Variants in OPCML observed in about 807,000 individuals in gnomAD.
The protein encoded by OPCML is opioid binding protein/cell adhesion molecule like, also known as opioid-binding protein/cell adhesion molecule.
Under a neutral mutation model 37.8 loss-of-function variants are expected in OPCML, and 13 were observed. That is an observed-to-expected ratio of 0.34 (90% confidence interval 0.22 to 0.55). The LOEUF (loss-of-function observed/expected upper bound fraction) is 0.55, where lower values mean the gene tolerates loss of function less well. Among genes scored for constraint, OPCML ranks in the 20% least tolerant of loss-of-function variants. The pLI, the probability that OPCML is intolerant of heterozygous loss-of-function variation, is 0.91. For synonymous variants in OPCML, 176 were observed against 168.8 expected (o/e 1.04, Z -0.33); for missense variants, 341 against 435.6 (o/e 0.78, Z 1.93).
intron 1 of OPCML, among the ~76,000 whole-genome samples, chr11:133,459,342 CA>C (rs1002626576): frequency 6.6e-6 from 1 of 151,846 alleles, no homozygotes; most frequent in East Asian, 1.9e-4. Flanking sequence ...AGACATACAG[CA>C]AAAAACAACA....
At chr11:132,438,907 C>G (rs1469641437) in intron 4 of OPCML, among the ~76,000 whole-genome samples, 4 of 152,100 alleles carry the variant, frequency 2.6e-5, no homozygotes, top group Non-Finnish European at 5.9e-5. Context: ...CTTTCTGGCT[C>G]TTGTTGTCTT....
At chr11:132,739,666 C>T (rs1945375286) in intron 2 of OPCML, among the ~76,000 whole-genome samples, 1 of 152,110 alleles carries the variant, frequency 6.6e-6, no homozygotes, top group Non-Finnish European at 1.5e-5. Context: ...CAAGGGAAGA[C>T]AGTGTGTGAT....
chr11:133,035,419 C>T (rs536893248), intron 1 of OPCML, among the ~76,000 whole-genome samples: 3 of 152,300 alleles, frequency 2.0e-5, no homozygotes, highest in Admixed American at 2.0e-4. Context: ...TCCAAGCTCA[C>T]TCTGATGAGA....
At chr11:132,721,458 G>A (rs958079972) in intron 2 of OPCML, among the ~76,000 whole-genome samples, 1 of 152,184 alleles carries the variant, frequency 6.6e-6, no homozygotes, top group Non-Finnish European at 1.5e-5. Context: ...AGGCATGTGA[G>A]GACAGGTGGC....
At chr11:133,436,071 A>G (rs933639158) in intron 1 of OPCML, among the ~76,000 whole-genome samples, 15 of 152,218 alleles carry the variant, frequency 9.9e-5, no homozygotes, top group African/African-American at 3.6e-4. Flanking sequence ...TGTAGTCACA[A>G]AATACTCAAT....
chr11:133,522,493 T>C (rs890567946), intron 1 of OPCML, among the ~76,000 whole-genome samples: 4 of 152,240 alleles, frequency 2.6e-5, no homozygotes, highest in Non-Finnish European at 5.9e-5. Context: ...TTGTTTGTTT[T>C]TGACCTAGAT....
At chr11:133,456,475 A>AT (rs1946673680) in intron 1 of OPCML, among the ~76,000 whole-genome samples, 2 of 142,720 alleles carry the variant, frequency 1.4e-5, no homozygotes, top group South Asian at 2.2e-4. Context: ...ATCACAAGAC[A>AT]TAAAAAAAAA....
At chr11:132,699,474 A>C (rs1388673858) in intron 2 of OPCML, among the ~76,000 whole-genome samples, 2 of 152,090 alleles carry the variant, frequency 1.3e-5, no homozygotes, top group Non-Finnish European at 2.9e-5. Context: ...ATATGATGTT[A>C]GCTGTGGACT....
intron 1 of OPCML, among the ~76,000 whole-genome samples, chr11:133,393,205 C>T (rs1221295262): frequency 6.6e-6 from 1 of 152,112 alleles, no homozygotes; most frequent in Admixed American, 6.5e-5. Flanking sequence ...AGTTACAGTG[C>T]CACTGCGTGT....
chr11:132,629,090 C>A (rs896475244), intron 3 of OPCML, among the ~76,000 whole-genome samples: 1 of 152,122 alleles, frequency 6.6e-6, no homozygotes, highest in Admixed American at 6.5e-5. Flanking sequence ...CTTGCCCTGC[C>A]CTGCTCTTTC....
chr11:132,967,257 A>T (rs982542775), intron 1 of OPCML, among the ~76,000 whole-genome samples: 3 of 152,026 alleles, frequency 2.0e-5, no homozygotes, highest in Admixed American at 2.0e-4. Context: ...TACTTACTTA[A>T]TGCCAGTGAG....
intron 1 of OPCML, among the ~76,000 whole-genome samples, chr11:133,327,008 TG>T (rs1213751983): frequency 2.3e-5 from 2 of 87,294 alleles, no homozygotes; most frequent in Non-Finnish European, 4.5e-5. Flanking sequence ...TGTGGGTGTA[TG>T]GGGAGGGTGT....
intron 1 of OPCML, among the ~76,000 whole-genome samples, chr11:132,967,702 A>C (rs1946245985): frequency 6.6e-6 from 1 of 152,222 alleles, no homozygotes. Context: ...ACTGCCTTTT[A>C]TAATCGCATA....
At chr11:133,500,778 C>G (rs992921005) in intron 1 of OPCML, among the ~76,000 whole-genome samples, 2 of 152,168 alleles carry the variant, frequency 1.3e-5, no homozygotes, top group African/African-American at 4.8e-5. Context: ...CGGATAGCAC[C>G]AATTACTGAG....
chr11:132,856,740 C>A (rs1378610106), intron 2 of OPCML, among the ~76,000 whole-genome samples: 5 of 152,148 alleles, frequency 3.3e-5, no homozygotes, highest in African/African-American at 1.2e-4. Context: ...GTGCATGTGG[C>A]CCCTCCGAAG....
At chr11:133,163,149 C>T (rs1212270816) in intron 1 of OPCML, among the ~76,000 whole-genome samples, 1 of 152,038 alleles carries the variant, frequency 6.6e-6, no homozygotes, top group Admixed American at 6.6e-5. Context: ...CTTGTGTTTC[C>T]GTTTCTCTTA....
At chr11:132,705,619 T>C (rs1944000873) in intron 2 of OPCML, among the ~76,000 whole-genome samples, 1 of 151,822 alleles carries the variant, frequency 6.6e-6, no homozygotes, top group African/African-American at 2.4e-5. Flanking sequence ...AAAATAAAAA[T>C]TGTACGGCAA....
intron 2 of OPCML, among the ~76,000 whole-genome samples, chr11:132,821,997 A>C (rs1327887213): frequency 6.6e-6 from 1 of 152,232 alleles, no homozygotes; most frequent in Non-Finnish European, 1.5e-5. Context: ...CCAAATAAAA[A>C]TGGAACGTAA....
chr11:132,886,582 G>A (rs1043373909), intron 2 of OPCML, among the ~76,000 whole-genome samples: 2 of 152,202 alleles, frequency 1.3e-5, no homozygotes, highest in Non-Finnish European at 2.9e-5. Flanking sequence ...ATCCAGCTAG[G>A]CCAAAGCTGC....
Sources: allele counts gnomAD v4.1 joint callset (sites outside exome capture counted in the v4.1 genomes callset), GRCh38; gene constraint gnomAD v4.1.1; transcripts MANE v1.5; gene names NCBI Gene and HGNC (gene_info 2026-07-23, HGNC 2026-07-21).